Variants in PTBP3 observed in about 807,000 individuals in gnomAD.
PTBP3 encodes polypyrimidine tract-binding protein 3.
In PTBP3, 20 loss-of-function variants were observed where a neutral mutation model predicts 58.7. The ratio of observed to expected loss-of-function variants is 0.34; its 90% CI spans 0.24 to 0.50. The LOEUF is 0.50. PTBP3 is among the 20% of genes least tolerant of loss of function. The pLI, the probability that PTBP3 is intolerant of heterozygous loss-of-function variation, is 0.98. For missense variants in PTBP3, 509 were observed against 637.2 expected (o/e 0.80, Z 2.17); for synonymous variants, 185 against 219.8 (o/e 0.84, Z 1.40).
chr9:112,330,440 C>T, intron 1 of PTBP3: 1 of 1,518,976 alleles, frequency 6.6e-7, no homozygotes, highest in Non-Finnish European at 9.0e-7. Context: ...AAGATTCCTA[C>T]CTTTAAACCG....
rs1428382604 is a variant in PTBP3, at chr9:112,276,011, T to G, written c.37A>C (p.Asn13His). ...SSTPSTGVYANGNDSKKFKRD... is the reference protein window; with the variant it reads ...SSTPSTGVYAHGNDSKKFKRD... ...TTAAATTTCTTGCTGTCATTCCCATTAGCTAAAAAACATAAGATTCTTTTT... is the reference window on the plus strand; with the variant it reads ...TTAAATTTCTTGCTGTCATTCCCATGAGCTAAAAAACATAAGATTCTTTTT... Residue 13 changes from asparagine (N) to histidine (H), a missense_variant and splice_region_variant, in exon 3 of 14, where the codon AAT becomes CAT. This residue lies in a region of PTBP3 where 212 missense variants were observed against 215.3 expected (regional missense o/e 0.98). Transcript: ENST00000374257. 1.9e-6 allele frequency: 3 copies of G among 1,610,308 alleles called. No homozygotes were observed. The highest frequency in any genetic ancestry group is 2.5e-6 in the Non-Finnish European group (3 of 1,177,340).
intron 5 of PTBP3, among the ~76,000 whole-genome samples, chr9:112,253,482 C>A (rs1438065361): frequency 6.6e-6 from 1 of 152,098 alleles, no homozygotes; most frequent in African/African-American, 2.4e-5. Context: ...ACCTCAGCAT[C>A]ACAGGGTTCA....
At chr9:112,373,130 T>C in the PTBP3 span, among the ~76,000 whole-genome samples, 4 of 152,068 alleles carry the variant, frequency 2.6e-5, no homozygotes, top group Admixed American at 2.0e-4. Context: ...TCTCCTGACC[T>C]TGTGATCTGC....
chr9:112,352,789 TG>T, the PTBP3 span, among the ~76,000 whole-genome samples: 2 of 152,248 alleles, frequency 1.3e-5, no homozygotes, highest in African/African-American at 4.8e-5. Flanking sequence ...TCATGTCAGT[TG>T]CATAGTTTGA....
chr9:112,377,287 C>T, the PTBP3 span, among the ~76,000 whole-genome samples: 142,430 of 152,242 alleles, frequency 0.94, 66,841 homozygotes, highest in African/African-American at 0.98. Flanking sequence ...GAGGTTGAGG[C>T]TACAGTGAGC....
intron 7 of PTBP3, among the ~76,000 whole-genome samples, chr9:112,240,092 G>C (rs1034565991): frequency 2.0e-5 from 3 of 151,954 alleles, no homozygotes; most frequent in African/African-American, 7.3e-5. Context: ...GGATGAAGTA[G>C]GGGAGCACAA....
Position 112,218,511 on chromosome 9 carries a change from G to C in PTBP3, c.*5340C>G, listed in dbSNP as rs1373268524. ...CTATATTTGTTAGGAAAAGAGATTA[G>C]AGATATCAAGTAATAGTCAGCAAAT... On this transcript the variant is annotated 3_prime_UTR_variant, in exon 14 of 14. Transcript: ENST00000374257. 8 of 152,634 alleles carry C rather than the reference G, an allele frequency of 5.2e-5. No individual in the cohort carries two copies. Among genetic ancestry groups the C allele is most frequent in the Non-Finnish European group, 2.9e-5 (2 of 68,040 alleles). The allele number at this position is 152,634 out of a possible 1,614,324, so 9.5% of individuals were successfully genotyped here.
chr9:112,231,364 G>T lies in PTBP3; in HGVS notation c.1054+16C>A, dbSNP rs200962313. 1.9e-6 allele frequency: 3 copies of T among 1,570,592 alleles called. No individual in the cohort carries two copies. Among genetic ancestry groups the T allele is most frequent in the Middle Eastern group, 1.7e-4 (1 of 5,876 alleles). The stretch of plus-strand genomic sequence containing the variant: ...CACACCTGTAGACAATAATAAAATA[G>T]CAAAAATGAACTTACCAAATAGGAT... On this transcript the variant is annotated intron_variant, in intron 10 of 13. Coordinates refer to ENST00000374257, the MANE Select transcript of PTBP3 (RefSeq NM_001163788.4).
At chr9:112,318,110 A>G (rs1829781340) in intron 1 of PTBP3, among the ~76,000 whole-genome samples, 1 of 152,214 alleles carries the variant, frequency 6.6e-6, no homozygotes, top group East Asian at 1.9e-4. Context: ...AAAAAAGGGC[A>G]TCTAAGAAAA....
Position 112,221,390 on chromosome 9 carries a change from T to C in PTBP3, c.*2461A>G. 1.0e-6 allele frequency: 1 copy of C among 985,838 alleles called. No homozygotes were observed. The highest frequency in any genetic ancestry group is 1.2e-6 in the Non-Finnish European group (1 of 829,918). 61.1% of individuals were successfully genotyped at this position (985,838 alleles called of 1,614,324 possible). Reference sequence around the variant, plus strand: ...ACTTCAAAGTTACATTCAACACCACTATGATCCCCTTCCGTTATTAGCAAC... The same window carrying C: ...ACTTCAAAGTTACATTCAACACCACCATGATCCCCTTCCGTTATTAGCAAC... On this transcript the variant is annotated 3_prime_UTR_variant, in exon 14 of 14. Coordinates refer to ENST00000374257, the MANE Select transcript of PTBP3 (RefSeq NM_001163788.4).
the PTBP3 span, among the ~76,000 whole-genome samples, chr9:112,376,683 G>A: frequency 9.3e-3 from 1,419 of 152,188 alleles, 30 homozygotes; most frequent in South Asian, 0.08. Flanking sequence ...GGGGATAAAC[G>A]CACAGGAGAA....
chr9:112,271,610 T>C (rs1827389033), intron 3 of PTBP3, among the ~76,000 whole-genome samples: 1 of 151,958 alleles, frequency 6.6e-6, no homozygotes, highest in African/African-American at 2.4e-5. Context: ...CCTGTAATCC[T>C]AGGTTCTCAA....
At chr9:112,320,288 A>AT in intron 1 of PTBP3, among the ~76,000 whole-genome samples, 2 of 53,640 alleles carry the variant, frequency 3.7e-5, no homozygotes, top group African/African-American at 3.1e-4. Flanking sequence ...TTAAAAAAAA[A>AT]AAAATATATA....
At chr9:112,315,440 C>T (rs1028878596) in intron 1 of PTBP3, among the ~76,000 whole-genome samples, 40 of 151,830 alleles carry the variant, frequency 2.6e-4, no homozygotes, top group African/African-American at 8.9e-4. Flanking sequence ...AATTAAAGCC[C>T]AGCCATATCA....
intron 7 of PTBP3, among the ~76,000 whole-genome samples, chr9:112,243,131 T>TAAAAAA (rs34908344): frequency 1.4e-5 from 2 of 140,540 alleles, no homozygotes; most frequent in Non-Finnish European, 3.1e-5. Context: ...TCTTACAGCT[T>TAAAAAA]AAAAAAAAAA....
At chr9:112,292,764 A>G (rs1415731597) in intron 2 of PTBP3, among the ~76,000 whole-genome samples, 2 of 152,232 alleles carry the variant, frequency 1.3e-5, no homozygotes, top group African/African-American at 2.4e-5. Flanking sequence ...GCTAGAAGAG[A>G]AAAGGAAGAG....
the PTBP3 span, among the ~76,000 whole-genome samples, chr9:112,378,319 T>C: frequency 6.6e-6 from 1 of 152,220 alleles, no homozygotes; most frequent in African/African-American, 2.4e-5. Context: ...AGTATAAAAA[T>C]AGTGTAAGTA....
chr9:112,249,233 G>T (rs1234263547), intron 7 of PTBP3, among the ~76,000 whole-genome samples: 1 of 152,046 alleles, frequency 6.6e-6, no homozygotes, highest in Non-Finnish European at 1.5e-5. Flanking sequence ...ATGAAGAAAG[G>T]TACACGGGGT....
the PTBP3 span, among the ~76,000 whole-genome samples, chr9:112,343,290 C>A: frequency 1.3e-5 from 2 of 151,256 alleles, no homozygotes; most frequent in Non-Finnish European, 2.9e-5. Context: ...CTCACTGCAG[C>A]CTCTGCCTCC....
Sources: allele counts gnomAD v4.1 joint callset (sites outside exome capture counted in the v4.1 genomes callset), GRCh38; gene constraint gnomAD v4.1.1; regional missense constraint gnomAD v4.1.1; transcripts MANE v1.5; gene names NCBI Gene and HGNC (gene_info 2026-07-23, HGNC 2026-07-21).